PHF24: variants seen among roughly 807,000 people sequenced by gnomAD.
The protein encoded by PHF24 is Galpha inhibitory interacting protein.
In PHF24, 25 loss-of-function variants were observed where a neutral mutation model predicts 42.6. The observed-to-expected ratio is 0.59, with a 90% CI of 0.43 to 0.82. PHF24 has a LOEUF of 0.82. PHF24 is among the 40% of genes least tolerant of loss of function. The pLI, the probability that PHF24 is intolerant of heterozygous loss-of-function variation, is 0.00. For synonymous variants in PHF24, 185 were observed against 204.8 expected (o/e 0.90, Z 0.83); for missense variants, 470 against 538.1 (o/e 0.87, Z 1.25).
exon 3 of PHF24, chr9:34,972,404 C>G: frequency 1.9e-6 from 3 of 1,614,028 alleles, no homozygotes; most frequent in Non-Finnish European, 2.5e-6. Context: ...AGCCTCTTCC[C>G]GTGCAGGGTC....
chr9:34,745,910 T>C, the PHF24 span, among the ~76,000 whole-genome samples: 1 of 151,998 alleles, frequency 6.6e-6, no homozygotes, highest in South Asian at 2.1e-4. Context: ...CAACAAAAGT[T>C]TGATAAAACT....
chr9:34,767,183 C>T, the PHF24 span, among the ~76,000 whole-genome samples: 7 of 152,318 alleles, frequency 4.6e-5, no homozygotes, highest in Middle Eastern at 3.4e-3. Context: ...GCAGTCTGCC[C>T]GTTCTCAGAT....
the PHF24 span, chr9:34,835,627 A>T: frequency 1.3e-6 from 2 of 1,551,614 alleles, no homozygotes; most frequent in East Asian, 4.9e-5. Context: ...TGGCTTGTCA[A>T]GCCTTGAAGA....
the PHF24 span, among the ~76,000 whole-genome samples, chr9:34,774,895 TTAATAA>T: frequency 2.0e-5 from 3 of 152,048 alleles, no homozygotes; most frequent in Admixed American, 1.3e-4. Context: ...ATGGCTAATA[TTAATAA>T]TAATAATAAT....
the PHF24 span, among the ~76,000 whole-genome samples, chr9:34,904,626 T>C: frequency 1.5e-4 from 22 of 151,534 alleles, no homozygotes; most frequent in Non-Finnish European, 3.2e-4. Flanking sequence ...TTTGGTTAGC[T>C]AGTATTTTGT....
intron 1 of PHF24, among the ~76,000 whole-genome samples, chr9:34,959,944 G>A (rs1160517348): frequency 6.6e-6 from 1 of 152,220 alleles, no homozygotes; most frequent in Non-Finnish European, 1.5e-5. Flanking sequence ...TCCACAGATA[G>A]CACTCAGGAC....
chr9:34,938,376 G>T, the PHF24 span, among the ~76,000 whole-genome samples: 2 of 152,178 alleles, frequency 1.3e-5, no homozygotes, highest in African/African-American at 4.8e-5. Flanking sequence ...TACAAATGTA[G>T]TCAAAAACTC....
the PHF24 span, among the ~76,000 whole-genome samples, chr9:34,697,250 G>T: frequency 1.3e-5 from 2 of 152,204 alleles, no homozygotes; most frequent in African/African-American, 4.8e-5. Context: ...TCACCTAGGA[G>T]AATCTTATTA....
chr9:34,976,075 T>C, intron 3 of PHF24, 77 bp from the exon 4 acceptor site: 1 of 995,008 alleles, frequency 1.0e-6, no homozygotes, highest in Non-Finnish European at 1.6e-6. Flanking sequence ...CAGTTGAAAT[T>C]CTATTTCTAG....
At chr9:34,919,577 T>C in the PHF24 span, among the ~76,000 whole-genome samples, 1 of 152,028 alleles carries the variant, frequency 6.6e-6, no homozygotes, top group African/African-American at 2.4e-5. Context: ...TCCAATGATC[T>C]CTTTTAGTTA....
At chr9:34,862,023 G>C in the PHF24 span, among the ~76,000 whole-genome samples, 3 of 152,154 alleles carry the variant, frequency 2.0e-5, no homozygotes, top group Non-Finnish European at 4.4e-5. Context: ...TCTGGTAAGG[G>C]GCCTCTTCCA....
chr9:34,969,915 CTTCAAGGTCCACT>C, intron 1 of PHF24, among the ~76,000 whole-genome samples: 1 of 152,208 alleles, frequency 6.6e-6, no homozygotes, highest in Non-Finnish European at 1.5e-5. Context: ...CCTGTGCATC[CTTCAAGGTCCACT>C]TTGACCACCA....
the PHF24 span, among the ~76,000 whole-genome samples, chr9:34,676,308 G>C: frequency 2.6e-5 from 4 of 152,204 alleles, no homozygotes; most frequent in African/African-American, 9.6e-5. Context: ...TGGATCACTT[G>C]AGCCCAGGAG....
chr9:34,845,774 A>G, the PHF24 span, among the ~76,000 whole-genome samples: 1 of 110,812 alleles, frequency 9.0e-6, no homozygotes, highest in Non-Finnish European at 1.7e-5. Flanking sequence ...AACAGTCCCC[A>G]GAGTGTGATG....
At chr9:34,893,028 A>C in the PHF24 span, 1 of 936,916 alleles carries the variant, frequency 1.1e-6, no homozygotes, top group Non-Finnish European at 1.6e-6. Flanking sequence ...GAAGTCAGGG[A>C]GATCTGGTTG....
chr9:34,694,826 C>T, the PHF24 span, among the ~76,000 whole-genome samples: 3 of 152,224 alleles, frequency 2.0e-5, no homozygotes, highest in Non-Finnish European at 4.4e-5. Context: ...TAGACCCCAA[C>T]TGCCTATCAT....
the PHF24 span, among the ~76,000 whole-genome samples, chr9:34,898,475 G>T: frequency 6.6e-6 from 1 of 152,082 alleles, no homozygotes; most frequent in Non-Finnish European, 1.5e-5. Context: ...TTCATATTAA[G>T]GATAATTTAA....
At chr9:34,840,202 A>G in the PHF24 span, among the ~76,000 whole-genome samples, 13 of 152,216 alleles carry the variant, frequency 8.5e-5, no homozygotes, top group African/African-American at 3.1e-4. Flanking sequence ...AAATGGTATA[A>G]ACTTCAAAAG....
At chr9:34,894,278 C>T in the PHF24 span, among the ~76,000 whole-genome samples, 1 of 151,976 alleles carries the variant, frequency 6.6e-6, no homozygotes, top group Non-Finnish European at 1.5e-5. Flanking sequence ...ATGTCTGGCC[C>T]AGCCCCCCTG....
Sources: gnomAD v4.1 joint callset for allele counts (sites outside exome capture counted in the v4.1 genomes callset) on GRCh38, gnomAD v4.1.1 for gene constraint, MANE v1.5 for transcripts, NCBI Gene and HGNC (gene_info 2026-07-23, HGNC 2026-07-21) for gene names.